Variants in FAM98A observed in about 807,000 individuals in gnomAD.
The protein encoded by FAM98A is protein FAM98A.
In FAM98A, 25 loss-of-function variants were observed where a neutral mutation model predicts 62.9. That is an observed-to-expected ratio of 0.40 (90% confidence interval 0.29 to 0.56). The LOEUF is 0.56. FAM98A is among the 20% of genes least tolerant of loss of function. The pLI is 0.51. For missense variants in FAM98A, 653 were observed against 640.7 expected (o/e 1.02, Z -0.21); for synonymous variants, 252 against 228.6 (o/e 1.10, Z -0.92).
At chr2:33,588,594 A>G in intron 3 of FAM98A, 75 bp from the exon 4 acceptor site, 6 of 1,182,158 alleles carry the variant, frequency 5.1e-6, no homozygotes, top group Non-Finnish European at 4.7e-6. Flanking sequence ...TCACAACTAT[A>G]TAGACCTATT....
At chr2:33,588,013 A>G (rs761402640) in intron 4 of FAM98A, 11 of 300,766 alleles carry the variant, frequency 3.7e-5, no homozygotes, top group Non-Finnish European at 6.1e-5. Context: ...TGACTGTATC[A>G]AAGTTCAATG....
At chr2:33,594,278 T>C (rs998137321) in intron 2 of FAM98A, among the ~76,000 whole-genome samples, 1 of 151,858 alleles carries the variant, frequency 6.6e-6, no homozygotes, top group African/African-American at 2.4e-5. Flanking sequence ...TATACCAGCA[T>C]GCAAGCCATC....
chr2:33,590,106 T>C (rs1416725374), intron 3 of FAM98A, among the ~76,000 whole-genome samples: 1 of 152,122 alleles, frequency 6.6e-6, no homozygotes, highest in Admixed American at 6.6e-5. Context: ...ATCAAAAAGA[T>C]GACCTCTTCC....
Position 33,585,560 on chromosome 2 carries a change from T to G in FAM98A, c.858A>C (p.Ile286=), listed in dbSNP as rs558370105. ...SKILRTSSGS[I]REKTACAINK... is the part of the protein sequence containing the mutation. The stretch of plus-strand genomic sequence containing the variant: ...TGATGGCACAGGCAGTCTTTTCTCT[T>G]ATAGAGCCGCTGCTTGTCCTTAAAA... The change falls in exon 7 of 8, where the codon ATA becomes ATC. Residue 286 remains isoleucine, a synonymous_variant. Transcript: ENST00000238823. The G allele has an allele frequency of 6.2e-6, 10 of 1,614,172 alleles. No individual in the cohort carries two copies. In the South Asian group the frequency reaches 1.1e-4, roughly 18 times the overall value.
At chr2:33,589,549 CA>C (rs975431744) in intron 3 of FAM98A, 1 of 152,122 alleles carries the variant, frequency 6.6e-6, no homozygotes, top group Non-Finnish European at 1.5e-5. Context: ...GCTAGAAGGA[CA>C]GAGGCCATAA....
intron 3 of FAM98A, 110 bp downstream of exon 3, chr2:33,591,970 T>C (rs1186972149): frequency 1.0e-6 from 1 of 1,002,374 alleles, no homozygotes; most frequent in East Asian, 2.4e-5. Flanking sequence ...AAAATGAATT[T>C]TGAATTACAT....
intron 3 of FAM98A, chr2:33,589,320 A>G (rs902889412): frequency 2.0e-5 from 3 of 152,144 alleles, no homozygotes; most frequent in Non-Finnish European, 2.9e-5. Context: ...TAAATATTCA[A>G]TCTCATTCCT....
intron 1 of FAM98A, among the ~76,000 whole-genome samples, chr2:33,598,214 T>C (rs1677857961): frequency 1.3e-5 from 2 of 152,342 alleles, no homozygotes; most frequent in African/African-American, 2.4e-5. Context: ...TCTCAAAGGT[T>C]TCCTTGTCAT....
intron 2 of FAM98A, among the ~76,000 whole-genome samples, chr2:33,595,082 T>C (rs1401363555): frequency 6.6e-6 from 1 of 152,224 alleles, no homozygotes; most frequent in East Asian, 1.9e-4. Context: ...CATAACAGAA[T>C]AATAATGCAT....
At chr2:33,587,695 T>C in intron 4 of FAM98A, 1 of 216,598 alleles carries the variant, frequency 4.6e-6, no homozygotes, top group Non-Finnish European at 9.4e-6. Flanking sequence ...TACCAATTCT[T>C]AAGAGTCCAG....
chr2:33,593,892 T>C (rs990031366), intron 2 of FAM98A, among the ~76,000 whole-genome samples: 2 of 152,206 alleles, frequency 1.3e-5, no homozygotes, highest in African/African-American at 2.4e-5. Flanking sequence ...CCAGGTTAAA[T>C]AGAGGTATCA....
intron 1 of FAM98A, among the ~76,000 whole-genome samples, chr2:33,596,000 T>C (rs1433732314): frequency 6.6e-6 from 1 of 152,228 alleles, no homozygotes; most frequent in African/African-American, 2.4e-5. Context: ...TAATAGCTAA[T>C]TATACTGTAA....
chr2:33,588,044 A>T, intron 4 of FAM98A: 1 of 354,014 alleles, frequency 2.8e-6, no homozygotes, highest in Non-Finnish European at 5.6e-6. Context: ...TTTTAAAAGG[A>T]CTGAAATCTT....
intron 3 of FAM98A, among the ~76,000 whole-genome samples, chr2:33,591,617 A>C (rs1677672611): frequency 6.6e-6 from 1 of 152,246 alleles, no homozygotes; most frequent in Non-Finnish European, 1.5e-5. Flanking sequence ...AAGAAATAGC[A>C]ACAAGACAAA....
Position 33,584,759 on chromosome 2 carries a change from T to G in FAM98A, c.*17A>C, listed in dbSNP as rs11124323. 4.3e-3 allele frequency: 6,751 copies of G among 1,559,414 alleles called. 266 individuals carry two copies. The African/African-American group carries it at 0.081, about 19-fold the overall frequency. Reference sequence around the variant, plus strand: ...TTCTATTACTTGAGCTCTAGCAAAATGTAAGGTTCGGTAGCCTCAACTAGT... The same window carrying G: ...TTCTATTACTTGAGCTCTAGCAAAAGGTAAGGTTCGGTAGCCTCAACTAGT... On this transcript the variant is annotated 3_prime_UTR_variant, in exon 8 of 8. Coordinates refer to ENST00000238823, the MANE Select transcript of FAM98A (RefSeq NM_015475.5).
At position 33,585,331 on chromosome 2, in the gene FAM98A, T is replaced by C. The variant is rs371383317; in HGVS notation, c.1002A>G (p.Gly334=). Residue 334 remains glycine (G), a synonymous_variant, in exon 8 of 8, where the codon GGA becomes GGG. Transcript: ENST00000238823. ...KRQDGPQQQT[G]GRGGGRGGYE... is the part of the protein sequence containing the mutation. ...AGCCACCTCTCCCTCCTCCTCGGCC[T>C]CCTGTTTGCTGCTGGGGGCCATCTT... 55 of 1,614,168 alleles carry C rather than the reference T, an allele frequency of 3.4e-5. No homozygotes were observed. Among genetic ancestry groups the C allele is most frequent in the Non-Finnish European group, 4.3e-5 (51 of 1,180,038 alleles).
rs144541780 is a variant in FAM98A at position 33,585,326 on chromosome 2, C to T, written c.1007G>A (p.Arg336Gln). The change falls in exon 8 of 8, where the codon CGA becomes CAA. Residue 336 changes from arginine (R) to glutamine (Q), a missense_variant. By Grantham distance (43) the Arg-to-Gln change is conservative. Transcript: ENST00000238823. ...QDGPQQQTGG[R>Q]GGGRGGYEHS... The stretch of plus-strand genomic sequence containing the variant: ...TTCATAGCCACCTCTCCCTCCTCCT[C>T]GGCCTCCTGTTTGCTGCTGGGGGCC... 207 of 1,614,050 alleles carry T rather than the reference C, an allele frequency of 1.3e-4. No individual in the cohort carries two copies. Among genetic ancestry groups the T allele is most frequent in the Non-Finnish European group, 1.6e-4 (184 of 1,180,040 alleles).
intron 3 of FAM98A, among the ~76,000 whole-genome samples, chr2:33,591,458 A>G (rs1677669712): frequency 6.6e-6 from 1 of 152,174 alleles, no homozygotes. Context: ...TTTCAGTGTG[A>G]AGAGACAAAA....
chr2:33,598,933 G>A (rs1363817267), intron 1 of FAM98A, among the ~76,000 whole-genome samples: 1 of 152,132 alleles, frequency 6.6e-6, no homozygotes, highest in African/African-American at 2.4e-5. Context: ...AAACGCTGCG[G>A]GTAGCTCGCC....
Sources: gnomAD v4.1 joint callset for allele counts (sites outside exome capture counted in the v4.1 genomes callset) on GRCh38, gnomAD v4.1.1 for gene constraint, MANE v1.5 for transcripts, NCBI Gene and HGNC (gene_info 2026-07-23, HGNC 2026-07-21) for gene names.